PREX1: variants seen among roughly 807,000 people sequenced by gnomAD.
PREX1 encodes phosphatidylinositol-3,4,5-trisphosphate dependent Rac exchange factor 1, also known as phosphatidylinositol 3,4,5-trisphosphate-dependent Rac exchanger 1 protein.
In PREX1, 41 loss-of-function variants were observed where a neutral mutation model predicts 198.3. The observed-to-expected ratio is 0.21, with a 90% CI of 0.16 to 0.27. The LOEUF (loss-of-function observed/expected upper bound fraction) is 0.27. PREX1 is among the 10% of genes least tolerant of loss of function. The pLI is 1.00. For synonymous variants in PREX1, 843 were observed against 887.2 expected, an observed-to-expected ratio of 0.95 and a Z score of 0.89; for missense variants, 1,620 against 2,200.7, an observed-to-expected ratio of 0.74 and a Z score of 5.28.
In PREX1 at chr20:48,625,167, C is replaced by A. The variant is rs907252471; in HGVS notation, c.*718G>T. ...ATGTAAAATGTCAAATATATAATCACACAACTTTAGAAAAAACAAACTTTG... is the reference window on the plus strand; with the variant it reads ...ATGTAAAATGTCAAATATATAATCAAACAACTTTAGAAAAAACAAACTTTG... On this transcript the variant is annotated 3_prime_UTR_variant, in exon 40 of 40. Coordinates refer to ENST00000371941, the MANE Select transcript of PREX1 (RefSeq NM_020820.4). The A allele has an allele frequency of 7.2e-5, 11 of 152,408 alleles. No individual in the cohort carries two copies. Among genetic ancestry groups the A allele is most frequent in the African/African-American group, 2.4e-4 (10 of 41,342 alleles). 9.4% of individuals were successfully genotyped at this position (152,408 alleles called of 1,614,324 possible).
At chr20:48,649,661 A>C in intron 24 of PREX1, 85 bp from the exon 25 acceptor site, 1 of 1,423,708 alleles carries the variant, frequency 7.0e-7, no homozygotes, top group Non-Finnish European at 9.4e-7. Context: ...AACCCATTTC[A>C]AGGATCCCAA....
intron 5 of PREX1, among the ~76,000 whole-genome samples, chr20:48,716,782 G>A (rs536743016): frequency 6.6e-5 from 10 of 152,174 alleles, no homozygotes; most frequent in Non-Finnish European, 1.3e-4. Flanking sequence ...CTACGCAAAC[G>A]CTGGGAAAGG....
Position 48,629,433 on chromosome 20 carries a change from G to A in PREX1, c.4766+16C>T. The A allele has an allele frequency of 6.2e-7, 1 of 1,609,680 alleles. No individual in the cohort carries two copies. Among genetic ancestry groups the A allele is most frequent in the Middle Eastern group, 1.9e-4 (1 of 5,312 alleles). On this transcript the variant is annotated intron_variant, in intron 37 of 39. Coordinates refer to ENST00000371941, the MANE Select transcript of PREX1 (RefSeq NM_020820.4). ...CAGCCCCTCCCCACACCCCGACTCA[G>A]CGGGCAGCAGCTCACCTCTGCATGC... is the stretch of plus-strand genomic sequence containing the variant.
intron 33 of PREX1, 38 bp from the exon 34 acceptor site, chr20:48,632,677 G>A (rs1205741011): frequency 6.2e-7 from 1 of 1,610,472 alleles, no homozygotes; most frequent in Non-Finnish European, 8.5e-7. Flanking sequence ...TCACCACCGA[G>A]GCCAAGGCCA....
intron 1 of PREX1, among the ~76,000 whole-genome samples, chr20:48,769,282 AGG>A (rs1026238706): frequency 6.6e-6 from 1 of 151,790 alleles, no homozygotes; most frequent in African/African-American, 2.4e-5. Context: ...GGTGCGGGGG[AGG>A]GGAGATGAGG....
rs770024696 is a variant in PREX1 at position 48,637,736 on chromosome 20, C to T, written c.3921G>A (p.Leu1307=). The T allele has an allele frequency of 2.0e-5, 32 of 1,612,304 alleles. No individual in the cohort carries two copies. The Admixed American group carries it at 5.0e-4, about 25-fold the overall frequency. Reference sequence around the variant, plus strand: ...CTGTGCACTTCAGCAAGGCCAGGAGCAGCTGGTTCTTCCCATCTGGAAGGA... The same window carrying T: ...CTGTGCACTTCAGCAAGGCCAGGAGTAGCTGGTTCTTCCCATCTGGAAGGA... The part of the protein sequence containing the change: ...QRYVEDGKNQ[L]LLALLKCTDT... The change falls in exon 31 of 40, where the codon CTG becomes CTA. Residue 1307 remains leucine, a synonymous_variant. Transcript: ENST00000371941.
chr20:48,807,806 T>C (rs1381387537), intron 1 of PREX1, among the ~76,000 whole-genome samples: 3 of 152,062 alleles, frequency 2.0e-5, no homozygotes, highest in Non-Finnish European at 4.4e-5. Flanking sequence ...CGTTGACTGA[T>C]AGGGTTTCTC....
the PREX1 span, among the ~76,000 whole-genome samples, chr20:48,854,716 C>T: frequency 1.3e-5 from 2 of 152,280 alleles, no homozygotes; most frequent in East Asian, 1.9e-4. Flanking sequence ...ATGAAGAGGC[C>T]GAGGCCCAAA....
chr20:48,886,762 T>C, the PREX1 span, among the ~76,000 whole-genome samples: 2 of 152,152 alleles, frequency 1.3e-5, no homozygotes, highest in African/African-American at 4.8e-5. Context: ...TCCCACAAGG[T>C]AGGGACTAGT....
At chr20:48,757,520 C>T (rs1409832929) in intron 1 of PREX1, among the ~76,000 whole-genome samples, 7 of 152,210 alleles carry the variant, frequency 4.6e-5, no homozygotes, top group Admixed American at 3.3e-4. Flanking sequence ...GCTCTGGAGT[C>T]GGCCAAGCCT....
chr20:48,667,959 C>A (rs1302142702), intron 14 of PREX1, among the ~76,000 whole-genome samples: 1 of 152,216 alleles, frequency 6.6e-6, no homozygotes, highest in East Asian at 1.9e-4. Flanking sequence ...GAGCCTCCAC[C>A]TGCTAGCTTC....
chr20:48,644,390 C>A lies in PREX1; in HGVS notation c.3601+19G>T, dbSNP rs774705734. On this transcript the variant is annotated intron_variant, in intron 27 of 39. Coordinates refer to ENST00000371941, the MANE Select transcript of PREX1 (RefSeq NM_020820.4). Reference sequence around the variant, plus strand: ...AGGAGCCTCTCTCCCTGAGCACAGGCCGCTGCCACTCCACTCACCAGACCC... The same window carrying A: ...AGGAGCCTCTCTCCCTGAGCACAGGACGCTGCCACTCCACTCACCAGACCC... 4 of 1,599,738 alleles carry A rather than the reference C, an allele frequency of 2.5e-6. No homozygotes were observed. Among genetic ancestry groups the A allele is most frequent in the Non-Finnish European group, 8.6e-7 (1 of 1,168,312 alleles).
chr20:48,856,525 G>A, the PREX1 span, among the ~76,000 whole-genome samples: 4 of 152,346 alleles, frequency 2.6e-5, no homozygotes, highest in East Asian at 1.9e-4. Flanking sequence ...CCAAGGCCAC[G>A]TTGCAAGTTC....
intron 1 of PREX1, among the ~76,000 whole-genome samples, chr20:48,773,281 A>T (rs2090245403): frequency 6.6e-6 from 1 of 151,402 alleles, no homozygotes; most frequent in East Asian, 1.9e-4. Context: ...AAAAAAAAAA[A>T]AAAAAAAAAG....
the PREX1 span, among the ~76,000 whole-genome samples, chr20:48,836,637 G>A: frequency 9.9e-5 from 15 of 152,074 alleles, no homozygotes; most frequent in Admixed American, 9.8e-4. Context: ...CACTCTGGCT[G>A]GGTGCGGTGG....
chr20:48,846,293 G>C, the PREX1 span, among the ~76,000 whole-genome samples: 1 of 152,200 alleles, frequency 6.6e-6, no homozygotes, highest in Non-Finnish European at 1.5e-5. Flanking sequence ...GTGCAAGGGA[G>C]GATCCCGCAT....
intron 15 of PREX1, among the ~76,000 whole-genome samples, chr20:48,664,001 A>C (rs574707085): frequency 6.6e-6 from 1 of 152,262 alleles, no homozygotes; most frequent in South Asian, 2.1e-4. Flanking sequence ...CACCAAAGAC[A>C]CCACACGTGA....
chr20:48,727,813 C>T (rs142804131), intron 4 of PREX1, among the ~76,000 whole-genome samples: 1 of 152,178 alleles, frequency 6.6e-6, no homozygotes, highest in African/African-American at 2.4e-5. Context: ...CCTCCTAGAG[C>T]CTTCATAGGT....
At chr20:48,702,125 T>C (rs2089878178) in intron 6 of PREX1, among the ~76,000 whole-genome samples, 1 of 151,440 alleles carries the variant, frequency 6.6e-6, no homozygotes, top group Non-Finnish European at 1.5e-5. Context: ...AGAGAATCGC[T>C]TGAACCCGGG....
Sources: allele counts gnomAD v4.1 joint callset (sites outside exome capture counted in the v4.1 genomes callset), GRCh38; gene constraint gnomAD v4.1.1; transcripts MANE v1.5; gene names NCBI Gene and HGNC (gene_info 2026-07-23, HGNC 2026-07-21).